LMBRD2: variants seen among roughly 807,000 people sequenced by gnomAD.
LMBRD2 encodes G protein-coupled receptor-associated protein LMBRD2.
In LMBRD2, 55 loss-of-function variants were observed where a neutral mutation model predicts 94.4. The observed-to-expected ratio is 0.58, with a 90% CI of 0.47 to 0.73. The LOEUF is 0.73. Among genes scored for constraint, LMBRD2 ranks in the 30% least tolerant of loss-of-function variants. LMBRD2 has a pLI of 0.00. For missense variants in LMBRD2, 640 were observed against 831.9 expected (o/e 0.77, Z 2.84); for synonymous variants, 246 against 272.4 (o/e 0.90, Z 0.95).
At chr5:36,129,836 C>G (rs960876815) in intron 6 of LMBRD2, among the ~76,000 whole-genome samples, 3 of 152,174 alleles carry the variant, frequency 2.0e-5, no homozygotes, top group Admixed American at 6.5e-5. Flanking sequence ...CACATATACA[C>G]CATGGAATAC....
chr5:36,111,128 T>G, intron 14 of LMBRD2, 27 bp downstream of exon 14: 1 of 1,356,618 alleles, frequency 7.4e-7, no homozygotes, highest in Non-Finnish European at 1.0e-6. Context: ...TATTTTCCCT[T>G]CATTTATTTT....
At chr5:36,118,656 T>G (rs998726905) in intron 9 of LMBRD2, among the ~76,000 whole-genome samples, 1 of 69,682 alleles carries the variant, frequency 1.4e-5, no homozygotes, top group African/African-American at 3.7e-5. Flanking sequence ...TGGTTTTTTG[T>G]TTTTTTTTTT....
intron 5 of LMBRD2, 69 bp from the exon 6 acceptor site, chr5:36,136,588 A>G: frequency 4.6e-6 from 6 of 1,307,252 alleles, no homozygotes; most frequent in Non-Finnish European, 5.5e-6. Flanking sequence ...GCATAAATAG[A>G]CTTTAACACA....
At position 36,117,854 on chromosome 5, in the gene LMBRD2, T is replaced by G. The variant is rs910978101; in HGVS notation, c.1183A>C (p.Ile395Leu). The change falls in exon 10 of 18, where the codon ATC (isoleucine) becomes CTC (leucine). Residue 395 changes from isoleucine to leucine, a missense_variant. Ile to Leu is a conservative substitution (Grantham distance 5, BLOSUM62 2). Around this residue, in one of 2 missense-constraint regions of LMBRD2, gnomAD observed 457 missense variants for 642.8 expected, o/e 0.71. Coordinates refer to ENST00000296603, the MANE Select transcript of LMBRD2 (RefSeq NM_001007527.2). ...GACCACACAACAATCACAGAGAAGATGGACAGAACCACAGCAAGTATCTTG... is the reference window on the plus strand; with the variant it reads ...GACCACACAACAATCACAGAGAAGAGGGACAGAACCACAGCAAGTATCTTG... Reference protein sequence around the residue: ...FYKILAVVLSIFSVIVVWSEC... With the variant: ...FYKILAVVLSLFSVIVVWSEC... 5 of 1,613,948 alleles carry G rather than the reference T, an allele frequency of 3.1e-6. No homozygotes were observed. The African/African-American group carries it at 6.7e-5, about 22-fold the overall frequency.
intron 1 of LMBRD2, chr5:36,147,781 T>C: frequency 3.3e-6 from 1 of 306,452 alleles, no homozygotes; most frequent in South Asian, 2.4e-5. Context: ...GTTTGAAGAA[T>C]TCCAAATGTT....
intron 6 of LMBRD2, among the ~76,000 whole-genome samples, chr5:36,131,461 A>G (rs1332161770): frequency 1.3e-5 from 2 of 152,158 alleles, no homozygotes; most frequent in African/African-American, 4.8e-5. Flanking sequence ...CTGTTATTCA[A>G]TATAGTACTG....
At chr5:36,147,270 T>C (rs1368301613) in intron 1 of LMBRD2, among the ~76,000 whole-genome samples, 1 of 151,912 alleles carries the variant, frequency 6.6e-6, no homozygotes, top group Non-Finnish European at 1.5e-5. Context: ...CTTGAGAAAA[T>C]AATAGTTTCA....
At chr5:36,137,571 A>T in intron 4 of LMBRD2, 130 bp from the exon 5 acceptor site, 9 of 522,890 alleles carry the variant, frequency 1.7e-5, no homozygotes, top group Non-Finnish European at 2.9e-5. Context: ...TTTATAAGTA[A>T]TCATGAATAC....
At chr5:36,127,050 G>C (rs1744023891) in intron 6 of LMBRD2, among the ~76,000 whole-genome samples, 1 of 152,190 alleles carries the variant, frequency 6.6e-6, no homozygotes, top group South Asian at 2.1e-4. Flanking sequence ...CTCCATACTA[G>C]AGCATTTTCA....
chr5:36,107,227 TC>T (rs1335708566), intron 16 of LMBRD2, among the ~76,000 whole-genome samples: 2 of 152,176 alleles, frequency 1.3e-5, no homozygotes, highest in Non-Finnish European at 2.9e-5. Context: ...CTGGTGAAAT[TC>T]CCCCCTATCT....
intron 17 of LMBRD2, 51 bp downstream of exon 17, chr5:36,105,017 A>G (rs1413158818): frequency 6.4e-7 from 1 of 1,567,856 alleles, no homozygotes; most frequent in Non-Finnish European, 8.7e-7. Flanking sequence ...TCAATGTGTT[A>G]TTAAAAGTGT....
intron 8 of LMBRD2, 149 bp downstream of exon 8, chr5:36,122,699 C>G: frequency 3.6e-6 from 4 of 1,105,828 alleles, no homozygotes; most frequent in Non-Finnish European, 5.0e-6. Context: ...CTGGTATACA[C>G]AGAGATAAAA....
At chr5:36,135,841 A>G (rs1231645118) in intron 6 of LMBRD2, among the ~76,000 whole-genome samples, 7 of 152,228 alleles carry the variant, frequency 4.6e-5, no homozygotes, top group Non-Finnish European at 1.0e-4. Flanking sequence ...TTAAGATTAC[A>G]GATAGGAAAC....
chr5:36,134,786 T>C (rs1039823759), intron 6 of LMBRD2, among the ~76,000 whole-genome samples: 3 of 152,152 alleles, frequency 2.0e-5, no homozygotes, highest in African/African-American at 7.2e-5. Flanking sequence ...ACCCAGTTTG[T>C]AGTAGTTTTG....
intron 16 of LMBRD2, 131 bp downstream of exon 16, chr5:36,108,403 G>A: frequency 2.1e-6 from 1 of 478,570 alleles, no homozygotes; most frequent in Non-Finnish European, 3.8e-6. Flanking sequence ...AGAAAAAAAA[G>A]AAGTCACTGC....
intron 16 of LMBRD2, among the ~76,000 whole-genome samples, chr5:36,107,788 T>C (rs1367848911): frequency 6.6e-6 from 1 of 152,176 alleles, no homozygotes; most frequent in Admixed American, 6.6e-5. Flanking sequence ...CTACTATGGC[T>C]TGGTGCTCAG....
chr5:36,123,537 A>T (rs1317889107), intron 7 of LMBRD2, among the ~76,000 whole-genome samples: 1 of 152,090 alleles, frequency 6.6e-6, no homozygotes, highest in African/African-American at 2.4e-5. Context: ...CACAAGAATC[A>T]GTATAACAGA....
chr5:36,109,861 G>A, intron 15 of LMBRD2, 84 bp downstream of exon 15: 1 of 989,582 alleles, frequency 1.0e-6, no homozygotes, highest in South Asian at 1.6e-5. Context: ...TCTGTCTTTA[G>A]CTAATTATTC....
In LMBRD2 at chr5:36,099,571, A is replaced by G. The variant is rs1743306098; in HGVS notation, c.*4475T>C. 1 of 152,024 alleles carries G rather than the reference A, an allele frequency of 6.6e-6. No individual in the cohort carries two copies. The highest frequency in any genetic ancestry group is 6.6e-5 in the Admixed American group (1 of 15,226). 9.4% of individuals were successfully genotyped at this position (152,024 alleles called of 1,614,324 possible). A position where few individuals can be genotyped will look rare whatever the true frequency, so the allele number is the denominator to read the frequency against. ...GCTAATAACATTTATGTCAATATCA[A>G]CTCTAAATGGTGTTGTACAGTCAGT... On this transcript the variant is annotated 3_prime_UTR_variant, in exon 18 of 18. Transcript: ENST00000296603.
Sources: allele counts gnomAD v4.1 joint callset (sites outside exome capture counted in the v4.1 genomes callset), GRCh38; gene constraint gnomAD v4.1.1; regional missense constraint gnomAD v4.1.1; transcripts MANE v1.5; gene names NCBI Gene and HGNC (gene_info 2026-07-23, HGNC 2026-07-21).